The following YIPF6 variants were observed in gnomAD, a reference collection of about 807,000 sequenced individuals.
YIPF6 encodes protein YIPF6.
In YIPF6, 3 loss-of-function variants were observed where a neutral mutation model predicts 16.8. The ratio of observed to expected loss-of-function variants is 0.18; its 90% CI spans 0.08 to 0.46. The LOEUF (loss-of-function observed/expected upper bound fraction) is 0.46. Among genes scored for constraint, YIPF6 ranks in the 20% least tolerant of loss-of-function variants. YIPF6 has a pLI of 0.98. For synonymous variants in YIPF6, 67 were observed against 61.9 expected (o/e 1.08, Z -0.38); for missense variants, 145 against 184.9 (o/e 0.78, Z 1.25).
chrX:68,521,385 G>A lies in YIPF6; in HGVS notation c.322G>A (p.Asp108Asn). The change falls in exon 5 of 7, where the codon GAC becomes AAC. Residue 108 changes from aspartate (D) to asparagine (N), a missense_variant. Physicochemically the swap from Asp to Asn is conservative, Grantham distance 23 (BLOSUM62 1). Coordinates refer to ENST00000462683, the MANE Select transcript of YIPF6 (RefSeq NM_173834.4). Reference protein sequence around the residue: ...CVTLALMLQRDSADSEKDGGP... With the variant: ...CVTLALMLQRNSADSEKDGGP... ...TCCTTTTCTCAGAATGCTGCAAAGAGACTCTGCAGATAGTGAAAAAGATGG... is the reference window on the plus strand; with the variant it reads ...TCCTTTTCTCAGAATGCTGCAAAGAAACTCTGCAGATAGTGAAAAAGATGG... 8.3e-7 allele frequency: 1 copy of A among 1,210,356 alleles called. No homozygotes were observed. The highest frequency in any genetic ancestry group is 1.1e-6 in the Non-Finnish European group (1 of 894,894).
At chrX:68,500,592 G>T (rs1302949752) in intron 1 of YIPF6, among the ~76,000 whole-genome samples, 1 of 111,836 alleles carries the variant, frequency 8.9e-6, no homozygotes, top group Non-Finnish European at 1.9e-5. Context: ...TGGGACACAG[G>T]TGTGAGCCAC....
At chrX:68,520,186 A>G (rs1176187521) in intron 4 of YIPF6, among the ~76,000 whole-genome samples, 3 of 112,755 alleles carry the variant, frequency 2.7e-5, no homozygotes, top group Non-Finnish European at 3.7e-5. Context: ...AAGCCTGTGC[A>G]TACTGCCAAG....
chrX:68,523,696 C>A (rs1364731512), intron 6 of YIPF6, among the ~76,000 whole-genome samples: 3 of 112,092 alleles, frequency 2.7e-5, no homozygotes, highest in African/African-American at 9.7e-5. Context: ...AATGGATAGG[C>A]AGACTGCTTA....
chrX:68,500,603 C>T (rs1423088114), intron 1 of YIPF6, among the ~76,000 whole-genome samples: 4 of 111,848 alleles, frequency 3.6e-5, no homozygotes, highest in African/African-American at 9.7e-5. Flanking sequence ...TGTGAGCCAC[C>T]GTGCCTGGCC....
intron 6 of YIPF6, among the ~76,000 whole-genome samples, chrX:68,525,948 G>A (rs1282764439): frequency 9.0e-6 from 1 of 111,640 alleles, no homozygotes; most frequent in African/African-American, 3.3e-5. Context: ...TTTTTGTTTA[G>A]GATTGTCTTG....
rs2079184875 is a variant in YIPF6 at position 68,534,682 on chromosome X, A to C, written c.*2683A>C. 8.9e-6 allele frequency: 1 copy of C among 112,073 alleles called. No homozygotes were observed. 9.2% of individuals were successfully genotyped at this position (112,073 alleles called of 1,213,427 possible). ...AAATATTTTCTTAATATATTCAAAA[A>C]AGTGCATTGCTTTCTGTGATGGAAG... On this transcript the variant is annotated 3_prime_UTR_variant, in exon 7 of 7. Coordinates refer to ENST00000462683, the MANE Select transcript of YIPF6 (RefSeq NM_173834.4).
chrX:68,529,768 A>G (rs921177606), intron 6 of YIPF6, among the ~76,000 whole-genome samples: 4 of 111,033 alleles, frequency 3.6e-5, no homozygotes, highest in Non-Finnish European at 7.6e-5. Context: ...CTGGAGGTCC[A>G]CTCCAGACCC....
intron 6 of YIPF6, among the ~76,000 whole-genome samples, chrX:68,523,345 G>A (rs1297194536): frequency 8.9e-6 from 1 of 111,909 alleles, no homozygotes; most frequent in Admixed American, 9.6e-5. Context: ...AAGCCTCACA[G>A]CAACTCTAAT....
intron 1 of YIPF6, among the ~76,000 whole-genome samples, chrX:68,507,252 A>G (rs2079063350): frequency 8.9e-6 from 1 of 112,028 alleles, no homozygotes; most frequent in South Asian, 3.7e-4. Flanking sequence ...ATTATCTTTT[A>G]GAATAATTAA....
chrX:68,516,881 C>T (rs769670884), intron 3 of YIPF6, among the ~76,000 whole-genome samples: 4 of 108,955 alleles, frequency 3.7e-5, no homozygotes, highest in Non-Finnish European at 7.6e-5. Context: ...GTGGAGGTTG[C>T]GATCTTGGCT....
chrX:68,522,516 G>C (rs1224825456), intron 5 of YIPF6, among the ~76,000 whole-genome samples: 5 of 110,041 alleles, frequency 4.5e-5, no homozygotes, highest in Non-Finnish European at 1.9e-5. Context: ...GGCCAGGCTG[G>C]TCTTGAACTT....
chrX:68,530,869 A>G (rs2147828023), intron 6 of YIPF6, among the ~76,000 whole-genome samples: 1 of 111,208 alleles, frequency 9.0e-6, no homozygotes, highest in South Asian at 3.8e-4. Context: ...TGCCTTCTGT[A>G]TTGATCTTGC....
At chrX:68,520,186 A>C (rs1176187521) in intron 4 of YIPF6, among the ~76,000 whole-genome samples, 2 of 112,755 alleles carry the variant, frequency 1.8e-5, no homozygotes, top group Admixed American at 1.9e-4. Flanking sequence ...AAGCCTGTGC[A>C]TACTGCCAAG....
At chrX:68,528,240 C>G (rs758639946) in intron 6 of YIPF6, among the ~76,000 whole-genome samples, 9 of 111,431 alleles carry the variant, frequency 8.1e-5, no homozygotes, top group Non-Finnish European at 1.9e-5. Flanking sequence ...TATGTAATGC[C>G]CTTCTTTGTC....
At position 68,499,116 on chromosome X, in the gene YIPF6, G is replaced by A. The variant is rs1450156842; in HGVS notation, c.50G>A (p.Arg17Lys). ...SPGDPGTASP[R>K]PLFAGLSDIS... ...GGAGACCCGGGGACAGCATCGCCCAGGCCCCTGGTGAGCTTGGGATCTGCG... is the reference window on the plus strand; with the variant it reads ...GGAGACCCGGGGACAGCATCGCCCAAGCCCCTGGTGAGCTTGGGATCTGCG... Residue 17 changes from arginine to lysine, a missense_variant, in exon 1 of 7, where the codon AGG becomes AAG. Physicochemically the swap from Arg to Lys is conservative, Grantham distance 26 (BLOSUM62 2). Coordinates refer to ENST00000462683, the MANE Select transcript of YIPF6 (RefSeq NM_173834.4). 1 of 1,180,288 alleles carries A rather than the reference G, an allele frequency of 8.5e-7. No individual in the cohort carries two copies. Among genetic ancestry groups the A allele is most frequent in the African/African-American group, 1.8e-5 (1 of 56,823 alleles).
rs2079065110 is a variant in YIPF6, at chrX:68,507,714, T to C, written c.58-4135T>C. Among the ~76,000 whole-genome samples the C allele has an allele frequency of 2.7e-5, 3 of 109,895 alleles. No homozygotes were observed. The South Asian group carries it at 1.2e-3, about 43-fold the overall frequency. On this transcript the variant is annotated intron_variant, in intron 1 of 6. Coordinates refer to ENST00000462683, the MANE Select transcript of YIPF6 (RefSeq NM_173834.4). ...GCCTCCTGAGTTCAAGCTATTCTCC[T>C]GTCTCAGCCTCCCAAGTAGCTGGGA... is the stretch of plus-strand genomic sequence containing the variant.
At chrX:68,519,932 T>C (rs750911211) in intron 4 of YIPF6, among the ~76,000 whole-genome samples, 1 of 112,237 alleles carries the variant, frequency 8.9e-6, no homozygotes, top group South Asian at 3.7e-4. Context: ...TTTAACCTTA[T>C]AGATTATGTA....
intron 6 of YIPF6, among the ~76,000 whole-genome samples, chrX:68,524,711 C>G (rs2079140578): frequency 9.2e-6 from 1 of 108,608 alleles, no homozygotes; most frequent in Non-Finnish European, 1.9e-5. Context: ...TGTGATGTAC[C>G]CCTCCCTGTG....
At chrX:68,524,417 C>T (rs1371507218) in intron 6 of YIPF6, among the ~76,000 whole-genome samples, 2 of 110,335 alleles carry the variant, frequency 1.8e-5, no homozygotes, top group African/African-American at 6.6e-5. Flanking sequence ...GATCCACCCG[C>T]CTTGGCCTCT....
Sources: allele counts gnomAD v4.1 joint callset (sites outside exome capture counted in the v4.1 genomes callset), GRCh38; gene constraint gnomAD v4.1.1; transcripts MANE v1.5; gene names NCBI Gene and HGNC (gene_info 2026-07-23, HGNC 2026-07-21).